Variants in KIAA1755 observed in about 807,000 individuals in gnomAD.
The protein encoded by KIAA1755 is KIAA1755.
KIAA1755 carries 68 observed loss-of-function variants against 91.7 expected under a neutral mutation model. The ratio of observed to expected loss-of-function variants is 0.74; its 90% CI spans 0.61 to 0.91. The LOEUF (loss-of-function observed/expected upper bound fraction) is 0.91. Among genes scored for constraint, KIAA1755 ranks in the 40% least tolerant of loss-of-function variants. KIAA1755 has a pLI of 0.00. For missense variants in KIAA1755, 1,535 were observed against 1,494.4 expected (o/e 1.03, Z -0.45); for synonymous variants, 610 against 604.6 (o/e 1.01, Z -0.13).
intron 4 of KIAA1755, among the ~76,000 whole-genome samples, chr20:38,238,738 C>T (rs7271783): frequency 0.013 from 1,981 of 152,292 alleles, 37 homozygotes; most frequent in African/African-American, 0.045. Flanking sequence ...TTATGAATCG[C>T]CAGTGCTAAG....
chr20:38,253,184 A>C (rs185082738), intron 1 of KIAA1755, among the ~76,000 whole-genome samples: 4 of 152,248 alleles, frequency 2.6e-5, no homozygotes, highest in African/African-American at 4.8e-5. Flanking sequence ...GAAGGAGCTC[A>C]TCAAGGGGAC....
rs760932780 is a variant in KIAA1755, at chr20:38,228,247, G to A, written c.1872-7C>T. ...CTTGGCTTTATCTTCAGGCCTGTGG[G>A]TGGTAAACAGAATTGACAGTCTTGC... On this transcript the variant is annotated splice_polypyrimidine_tract_variant and splice_region_variant and intron_variant, in intron 5 of 13. Coordinates refer to ENST00000279024, the MANE Select transcript of KIAA1755 (RefSeq NM_001029864.2). 1.3e-6 allele frequency: 2 copies of A among 1,589,990 alleles called. No individual in the cohort carries two copies. The highest frequency in any genetic ancestry group is 1.7e-5 in the Admixed American group (1 of 57,350).
rs199691743 is a variant in KIAA1755, at chr20:38,225,702, A to G, written c.2132T>C (p.Phe711Ser). The change falls in exon 8 of 14, where the codon TTC becomes TCC. Residue 711 changes from phenylalanine (F) to serine (S), a missense_variant. By Grantham distance (155) the Phe-to-Ser change is radical. Transcript: ENST00000279024. ...AACCCACTCGGTGTGGCAGTAGGGG[A>G]AGGGGCCTTCCAGGACTGCGGGCAG... Reference protein sequence around the residue: ...SQLPAVLEGPFPYCHTEWVHF... With the variant: ...SQLPAVLEGPSPYCHTEWVHF... 3 of 1,613,308 alleles carry G rather than the reference A, an allele frequency of 1.9e-6. No individual in the cohort carries two copies. The highest frequency in any genetic ancestry group is 2.5e-6 in the Non-Finnish European group (3 of 1,179,608).
At chr20:38,252,769 A>G (rs1035761477) in intron 1 of KIAA1755, among the ~76,000 whole-genome samples, 1 of 152,190 alleles carries the variant, frequency 6.6e-6, no homozygotes, top group Non-Finnish European at 1.5e-5. Context: ...GCAGCCAGTA[A>G]AAAGGAAGTA....
At chr20:38,231,069 T>C in intron 5 of KIAA1755, 133 bp downstream of exon 5, 5 of 986,280 alleles carry the variant, frequency 5.1e-6, no homozygotes, top group Non-Finnish European at 7.3e-6. Flanking sequence ...CCGGCATCTG[T>C]CTGGGGACTG....
rs370573954 is a variant in KIAA1755 at position 38,238,625 on chromosome 20, G to A, written c.1747+903C>T. On this transcript the variant is annotated intron_variant, in intron 4 of 13. Transcript: ENST00000279024. ...CTGTCCTTCCCAACTGTCACACTTTGTTTACACTGGGTTTCAATAATCTGT... is the reference window on the plus strand; with the variant it reads ...CTGTCCTTCCCAACTGTCACACTTTATTTACACTGGGTTTCAATAATCTGT... Among the ~76,000 whole-genome samples, 15 of 152,236 alleles carry A rather than the reference G, an allele frequency of 9.9e-5. No homozygotes were observed. The South Asian group carries it at 2.1e-3, about 21-fold the overall frequency.
chr20:38,258,011 T>C (rs1470246410), intron 1 of KIAA1755, among the ~76,000 whole-genome samples: 2 of 152,038 alleles, frequency 1.3e-5, no homozygotes, highest in Non-Finnish European at 2.9e-5. Context: ...GTGATTCTCC[T>C]GCCTCAGCCT....
rs2075563259 is a variant in KIAA1755, at chr20:38,217,274, G to A, written c.2880C>T (p.His960=). The A allele has an allele frequency of 2.5e-6, 4 of 1,603,756 alleles. No individual in the cohort carries two copies. Among genetic ancestry groups the A allele is most frequent in the Admixed American group, 1.7e-5 (1 of 58,260 alleles). ...TCACCCTCTTGCAGAAGCGGTGCAGGTGGAGCAGCGTCTCGAGGTCCGTGC... is the reference window on the plus strand; with the variant it reads ...TCACCCTCTTGCAGAAGCGGTGCAGATGGAGCAGCGTCTCGAGGTCCGTGC... The part of the protein sequence containing the change: ...RQRTDLETLL[H]LHRFCKRMTW... The change falls in exon 13 of 14, where the codon CAC becomes CAT. Residue 960 remains histidine, a synonymous_variant. Coordinates refer to ENST00000279024, the MANE Select transcript of KIAA1755 (RefSeq NM_001029864.2).
Position 38,225,567 on chromosome 20 carries a change from T to A in KIAA1755, c.2169+98A>T. 4.8e-6 allele frequency: 4 copies of A among 837,440 alleles called. No individual in the cohort carries two copies. The South Asian group carries it at 5.4e-5, about 11-fold the overall frequency. 51.9% of individuals were successfully genotyped at this position (837,440 alleles called of 1,614,324 possible). A position where few individuals can be genotyped will look rare whatever the true frequency, so the allele number is the denominator to read the frequency against. On this transcript the variant is annotated intron_variant, in intron 8 of 13. Transcript: ENST00000279024. Reference sequence around the variant, plus strand: ...AACATTTGTTGAGTGACCGTTTATTTTTTAGCATAGCAGGGTTGATGGATC... The same window carrying A: ...AACATTTGTTGAGTGACCGTTTATTATTTAGCATAGCAGGGTTGATGGATC...
Position 38,231,234 on chromosome 20 carries a change from G to A in KIAA1755, c.1839C>T (p.Thr613=). ...TGGTACACAGGTAGGACAGTAGCTT[G>A]GTGACCTCTGAAACTGTGCACCATG... The part of the protein sequence containing the change: ...EAPWCTVSEV[T]KLLSYLCTIP... The change falls in exon 5 of 14, where the codon ACC becomes ACT. Residue 613 remains threonine, a synonymous_variant. Transcript: ENST00000279024. 1 of 1,613,670 alleles carries A rather than the reference G, an allele frequency of 6.2e-7. No homozygotes were observed. Among genetic ancestry groups the A allele is most frequent in the South Asian group, 1.1e-5 (1 of 90,954 alleles).
At position 38,247,008 on chromosome 20, in the gene KIAA1755, C is replaced by T. The variant is rs145798667; in HGVS notation, c.4-882G>A. Among the ~76,000 whole-genome samples the T allele has an allele frequency of 3.6e-3, 550 of 152,244 alleles. 6 individuals carry two copies. Among genetic ancestry groups the T allele is most frequent in the African/African-American group, 0.012 (517 of 41,542 alleles). Reference sequence around the variant, plus strand: ...CTGATCCAGGCTTCACCGCCTCTTCCAGGAAGGGATCCAGAAGGCAGTCAG... The same window carrying T: ...CTGATCCAGGCTTCACCGCCTCTTCTAGGAAGGGATCCAGAAGGCAGTCAG... On this transcript the variant is annotated intron_variant, in intron 1 of 13. Coordinates refer to ENST00000279024, the MANE Select transcript of KIAA1755 (RefSeq NM_001029864.2).
At position 38,260,474 on chromosome 20, in the gene KIAA1755, G is replaced by T. The variant is rs781400530; in HGVS notation, c.3+24C>A. ...GCCCACTGAAAGGGGGCAGAGCGAG[G>T]TGGTCCAGGCCTTGGCGCGTTACCA... is the stretch of plus-strand genomic sequence containing the variant. On this transcript the variant is annotated intron_variant, in intron 1 of 13. Transcript: ENST00000279024. 3 of 1,510,412 alleles carry T rather than the reference G, an allele frequency of 2.0e-6. No homozygotes were observed. The South Asian group carries it at 4.0e-5, about 20-fold the overall frequency. The allele number at this position is 1,510,412 out of a possible 1,614,324, so 93.6% of individuals were successfully genotyped here.
In KIAA1755 at chr20:38,240,993, C is replaced by G. The variant is rs774534343; in HGVS notation, c.1138G>C (p.Ala380Pro). Residue 380 changes from alanine (A) to proline (P), a missense_variant, in exon 3 of 14, where the codon GCA becomes CCA. Ala to Pro is a conservative substitution (Grantham distance 27). Transcript: ENST00000279024. ...CTGAGACCAGAGGCACAGTCCAGTG[C>G]GTCCTCAAGGACATTCATGTAGGAG... is the stretch of plus-strand genomic sequence containing the variant. ...QGSYMNVLED[A>P]LDCASGLRAG... 6.2e-7 allele frequency: 1 copy of G among 1,614,176 alleles called. No individual in the cohort carries two copies.
At chr20:38,217,931 T>C (rs184826389) in intron 12 of KIAA1755, 16 of 427,560 alleles carry the variant, frequency 3.7e-5, no homozygotes, top group East Asian at 8.9e-5. Context: ...TCGCATCACG[T>C]TGATGCAGCT....
chr20:38,215,427 C>T (rs1301980528), intron 13 of KIAA1755, among the ~76,000 whole-genome samples: 4 of 152,178 alleles, frequency 2.6e-5, no homozygotes, highest in African/African-American at 7.2e-5. Flanking sequence ...AGGACCAACT[C>T]GAACCCAGTC....
Position 38,225,683 on chromosome 20 carries a change from C to G in KIAA1755, c.2151G>C (p.Glu717Asp), listed in dbSNP as rs2075743342. The G allele has an allele frequency of 1.2e-6, 2 of 1,612,636 alleles. No homozygotes were observed. The highest frequency in any genetic ancestry group is 1.7e-6 in the Non-Finnish European group (2 of 1,178,882). Residue 717 changes from glutamate (E) to aspartate (D), a missense_variant, in exon 8 of 14, where the codon GAG (glutamate) becomes GAC (aspartate). Coordinates refer to ENST00000279024, the MANE Select transcript of KIAA1755 (RefSeq NM_001029864.2). ...TAAACACCTGGAAGAAATGAACCCA[C>G]TCGGTGTGGCAGTAGGGGAAGGGGC... ...LEGPFPYCHTEWVHFFQKLDP... is the reference protein window; with the variant it reads ...LEGPFPYCHTDWVHFFQKLDP...
intron 2 of KIAA1755, among the ~76,000 whole-genome samples, chr20:38,244,923 T>C (rs2076129307): frequency 6.6e-6 from 1 of 152,138 alleles, no homozygotes; most frequent in East Asian, 1.9e-4. Flanking sequence ...AGACGGGGTT[T>C]CACCATGTTG....
Position 38,212,320 on chromosome 20 carries a change from G to GA in KIAA1755, c.*721_*722insT, listed in dbSNP as rs919161797. 1 of 151,626 alleles carries GA rather than the reference G, an allele frequency of 6.6e-6. No homozygotes were observed. Among genetic ancestry groups the GA allele is most frequent in the African/African-American group, 2.4e-5 (1 of 41,360 alleles). The allele number at this position is 151,626 out of a possible 1,614,324, so 9.4% of individuals were successfully genotyped here. On this transcript the variant is annotated 3_prime_UTR_variant, in exon 14 of 14. Coordinates refer to ENST00000279024, the MANE Select transcript of KIAA1755 (RefSeq NM_001029864.2). Reference sequence around the variant, plus strand: ...ACCCTGTCTCTGGTGGGGTCGGGGGGGGTGGGCGGAAAAGGCAATCCCAGC... The same window carrying GA: ...ACCCTGTCTCTGGTGGGGTCGGGGGGAGGTGGGCGGAAAAGGCAATCCCAGC...
chr20:38,249,122 C>T (rs998928586), intron 1 of KIAA1755, among the ~76,000 whole-genome samples: 2 of 152,162 alleles, frequency 1.3e-5, no homozygotes, highest in African/African-American at 2.4e-5. Context: ...GCTAGCCACC[C>T]GTCTCGCCTT....
Sources: allele counts gnomAD v4.1 joint callset (sites outside exome capture counted in the v4.1 genomes callset), GRCh38; gene constraint gnomAD v4.1.1; transcripts MANE v1.5; gene names NCBI Gene and HGNC (gene_info 2026-07-23, HGNC 2026-07-21).